Variants in F5 observed in about 807,000 individuals in gnomAD.
The protein encoded by F5 is activated protein c cofactor.
In F5, 138 loss-of-function variants were observed where a neutral mutation model predicts 216.4. The ratio of observed to expected loss-of-function variants is 0.64; its 90% confidence interval spans 0.56 to 0.73. The LOEUF is 0.73. Ranked by LOEUF, F5 falls within the 30% of genes least tolerant of loss-of-function variation. The probability of loss-of-function intolerance (pLI) is 0.00; values close to 1 mark genes in which losing one functional copy is unlikely to be tolerated. For missense variants in F5, 2,403 were observed against 2,674.0 expected, an observed-to-expected ratio of 0.90 and a Z score of 2.24; for synonymous variants, 916 against 930.7, an observed-to-expected ratio of 0.98 and a Z score of 0.29.
intron 21 of F5, among the ~76,000 whole-genome samples, chr1:169,521,829 C>T (rs1050370865): frequency 1.3e-5 from 2 of 151,728 alleles, no homozygotes; most frequent in Non-Finnish European, 2.9e-5. Flanking sequence ...CCATGTTGGT[C>T]AGGATGGTCT....
chr1:169,553,093 G>A (rs1660211562), intron 7 of F5, among the ~76,000 whole-genome samples: 1 of 152,166 alleles, frequency 6.6e-6, no homozygotes, highest in South Asian at 2.1e-4. Flanking sequence ...CTTATTCTAT[G>A]ATAGCCTTTT....
Position 169,550,884 on chromosome 1 carries a change from A to G in F5, c.1297-145T>C, listed in dbSNP as rs1357328527. Reference sequence around the variant, plus strand: ...TAGGAAAATTAGATCTGTTTATCTGAGCAGTAACCTCCCCTCATCACTTGG... The same window carrying G: ...TAGGAAAATTAGATCTGTTTATCTGGGCAGTAACCTCCCCTCATCACTTGG... On this transcript the variant is annotated intron_variant, in intron 8 of 24. Coordinates refer to ENST00000367797, the MANE Select transcript of F5 (RefSeq NM_000130.5). The G allele has an allele frequency of 6.0e-6, 4 of 661,946 alleles. No homozygotes were observed. In the Admixed American group the frequency reaches 8.6e-5, roughly 14 times the overall value. The allele number at this position is 661,946 out of a possible 1,614,324, so 41.0% of individuals were successfully genotyped here. A position where few individuals can be genotyped will look rare whatever the true frequency, so the allele number is the denominator to read the frequency against.
chr1:169,560,381 C>A (rs1410095802), intron 4 of F5, among the ~76,000 whole-genome samples, 173 bp downstream of exon 4: 1 of 152,002 alleles, frequency 6.6e-6, no homozygotes, highest in Non-Finnish European at 1.5e-5. Flanking sequence ...GGATCCACAC[C>A]CTGAAATAGC....
chr1:169,558,675 G>A (rs1465726865), intron 5 of F5, among the ~76,000 whole-genome samples: 1 of 152,146 alleles, frequency 6.6e-6, no homozygotes, highest in African/African-American at 2.4e-5. Context: ...GTGCCCAAAT[G>A]CAAATGGAAA....
chr1:169,546,180 TACACACACACACAC>T (rs3835453), intron 11 of F5, among the ~76,000 whole-genome samples: 3 of 141,112 alleles, frequency 2.1e-5, no homozygotes, highest in Non-Finnish European at 4.7e-5. Context: ...TATGTCTGTG[TACACACACACACAC>T]ACACACACAC....
intron 8 of F5, among the ~76,000 whole-genome samples, chr1:169,551,829 G>C (rs948956110): frequency 6.6e-6 from 1 of 152,148 alleles, no homozygotes; most frequent in Non-Finnish European, 1.5e-5. Context: ...TCTTGGTGAA[G>C]TGACATGACA....
rs191030484 is a variant in F5 at position 169,584,063 on chromosome 1, T to G, written c.159-1541A>C. On this transcript the variant is annotated intron_variant, in intron 1 of 24. Transcript: ENST00000367797. ...GGAAGTCCATTTTTATTTATTTATT[T>G]TTAGTACAATTGAAAAGTTATTGTC... 3.5e-4 allele frequency among the ~76,000 whole-genome samples: 53 copies of G among 152,374 alleles called. 1 individual carries two copies. Among genetic ancestry groups the G allele is most frequent in the Non-Finnish European group, 6.8e-4 (46 of 68,034 alleles).
Position 169,567,029 on chromosome 1 carries a change from G to A in F5, c.373+5192C>T, listed in dbSNP as rs1326334813. Among the ~76,000 whole-genome samples, 5 of 151,858 alleles carry A rather than the reference G, an allele frequency of 3.3e-5. No individual in the cohort carries two copies. The South Asian group carries it at 6.2e-4, about 19-fold the overall frequency. ...CTGGATTGAGTGGCTTATAAACAACGGACACTTCTTCCTCACAGTTCTGGA... is the reference window on the plus strand; with the variant it reads ...CTGGATTGAGTGGCTTATAAACAACAGACACTTCTTCCTCACAGTTCTGGA... On this transcript the variant is annotated intron_variant, in intron 3 of 24. Transcript: ENST00000367797.
At chr1:169,577,474 G>A (rs1660879428) in intron 2 of F5, among the ~76,000 whole-genome samples, 2 of 147,406 alleles carry the variant, frequency 1.4e-5, no homozygotes, top group South Asian at 4.4e-4. Flanking sequence ...GGGCTCAAGT[G>A]ATGCTCTTGT....
chr1:169,533,203 T>C (rs1659629426), intron 14 of F5, among the ~76,000 whole-genome samples: 1 of 152,128 alleles, frequency 6.6e-6, no homozygotes, highest in Non-Finnish European at 1.5e-5. Flanking sequence ...TGTGGAAGAA[T>C]GAAACTGAAC....
chr1:169,575,187 C>A (rs1660815786), intron 2 of F5, among the ~76,000 whole-genome samples: 1 of 152,104 alleles, frequency 6.6e-6, no homozygotes, highest in South Asian at 2.1e-4. Context: ...GGTCCAAAGG[C>A]AGAGAGGAAA....
chr1:169,526,816 T>A (rs1659463626), intron 17 of F5, among the ~76,000 whole-genome samples: 1 of 151,986 alleles, frequency 6.6e-6, no homozygotes, highest in Non-Finnish European at 1.5e-5. Flanking sequence ...GATGAGTAAA[T>A]TTGACTGAAT....
intron 6 of F5, 63 bp from the exon 7 acceptor site, chr1:169,555,410 C>A: frequency 1.3e-6 from 2 of 1,491,250 alleles, no homozygotes; most frequent in Non-Finnish European, 1.9e-6. Flanking sequence ...GATTGAAATG[C>A]ATATCCTTTA....
rs775425119 is a variant in F5, at chr1:169,541,340, A to G, written c.3750T>C (p.Ser1250=). 1.9e-6 allele frequency: 3 copies of G among 1,610,140 alleles called. No individual in the cohort carries two copies. In the Admixed American group the frequency reaches 5.0e-5, roughly 27 times the overall value. ...AGAGGTTTGTCTGGCTGAGGTCTAA[A>G]GAAAGGGTTGTATGGCTGAGGTCTG... ...LSPDLSHTTL[S]LDLSQTNLSP... is the part of the protein sequence containing the mutation. The change falls in exon 13 of 25, where the codon TCT becomes TCC. Residue 1250 remains serine, a synonymous_variant. Coordinates refer to ENST00000367797, the MANE Select transcript of F5 (RefSeq NM_000130.5).
intron 9 of F5, 138 bp from the exon 10 acceptor site, chr1:169,550,153 T>G: frequency 1.4e-6 from 1 of 726,478 alleles, no homozygotes; most frequent in Non-Finnish European, 2.3e-6. Flanking sequence ...AATTATACTT[T>G]AAGTTCTAGG....
chr1:169,530,957 T>C lies in F5; in HGVS notation c.5037A>G (p.Lys1679=), dbSNP rs1405407449. The change falls in exon 15 of 25, where the codon AAA becomes AAG. Residue 1679 remains lysine (K), a synonymous_variant. Coordinates refer to ENST00000367797, the MANE Select transcript of F5 (RefSeq NM_000130.5). ...CTTCATAAGTCTTTCCCTCTGATGA[T>C]TTTTCATAGGAAAGTCCATGGGCAT... ...SLHAHGLSYE[K]SSEGKTYEDD... 2.5e-6 allele frequency: 4 copies of C among 1,613,744 alleles called. No homozygotes were observed. In the African/African-American group the frequency reaches 5.3e-5, roughly 22 times the overall value.
chr1:169,522,911 G>A (rs570323866), intron 21 of F5, among the ~76,000 whole-genome samples: 78 of 152,312 alleles, frequency 5.1e-4, no homozygotes, highest in Admixed American at 1.8e-3. Context: ...CTACTCTGCC[G>A]TATACCATTG....
chr1:169,536,680 C>G lies in F5; in HGVS notation c.4797G>C (p.Arg1599Ser), dbSNP rs771260431. ...ISWDYSEFVQ[R>S]ETDIEDSDDI... ...CATCAGAGTCTTCAATATCTGTTTC[C>G]CTGAAATAATAATACTATTTGTGTA... Residue 1599 changes from arginine (R) to serine (S), a missense_variant and splice_region_variant, in exon 14 of 25, where the codon AGG becomes AGC. By Grantham distance (110) the Arg-to-Ser change is moderately radical (BLOSUM62 -1). Around this residue, in one of 4 missense-constraint regions of F5, gnomAD observed 659 missense variants for 787.9 expected, o/e 0.84. Transcript: ENST00000367797. The G allele has an allele frequency of 6.2e-7, 1 of 1,604,412 alleles. No individual in the cohort carries two copies. The highest frequency in any genetic ancestry group is 1.1e-5 in the South Asian group (1 of 90,906).
intron 11 of F5, among the ~76,000 whole-genome samples, 176 bp from the exon 12 acceptor site, chr1:169,544,684 A>T (rs1209295382): frequency 6.6e-6 from 1 of 152,244 alleles, no homozygotes; most frequent in African/African-American, 2.4e-5. Context: ...GAATTTTCAA[A>T]TGAGAGATTA....
Sources: allele counts gnomAD v4.1 joint callset (sites outside exome capture counted in the v4.1 genomes callset), GRCh38; gene constraint gnomAD v4.1.1; regional missense constraint gnomAD v4.1.1; transcripts MANE v1.5; gene names NCBI Gene and HGNC (gene_info 2026-07-23, HGNC 2026-07-21).